The following KDM4C variants were observed in gnomAD, a reference collection of about 807,000 sequenced individuals.
KDM4C encodes the protein lysine demethylase 4C.
KDM4C carries 81 observed loss-of-function variants against 129.3 expected under a neutral mutation model. The observed-to-expected ratio is 0.63, with a 90% CI of 0.52 to 0.75. The LOEUF is 0.75. KDM4C is among the 30% of genes least tolerant of loss of function. The pLI is 0.00. For missense variants in KDM4C, 1,457 were observed against 1,304.0 expected, an observed-to-expected ratio of 1.12 and a Z score of -1.81; for synonymous variants, 573 against 456.1, an observed-to-expected ratio of 1.26 and a Z score of -3.26.
chr9:6,835,093 A>C, intron 4 of KDM4C: 1 of 999,656 alleles, frequency 1.0e-6, no homozygotes, highest in South Asian at 1.3e-5. Context: ...CATCAAGGAG[A>C]AGCTGTGCTA....
At chr9:6,980,879 A>T in intron 8 of KDM4C, 46 bp from the exon 9 acceptor site, 1 of 1,540,164 alleles carries the variant, frequency 6.5e-7, no homozygotes, top group Non-Finnish European at 9.0e-7. Flanking sequence ...GTGTTACTGT[A>T]TAGTTAGCGA....
chr9:6,723,120 G>A (rs1044574866), intron 1 of KDM4C, among the ~76,000 whole-genome samples: 7 of 151,944 alleles, frequency 4.6e-5, no homozygotes, highest in Admixed American at 1.3e-4. Flanking sequence ...TTGGCTGGGC[G>A]CCATACACTT....
intron 15 of KDM4C, among the ~76,000 whole-genome samples, chr9:7,035,722 G>A (rs1025528353): frequency 6.6e-6 from 1 of 151,980 alleles, no homozygotes; most frequent in African/African-American, 2.4e-5. Flanking sequence ...AATTTTTCCG[G>A]CACTGTTCAT....
chr9:7,126,830 C>G (rs989578663), intron 18 of KDM4C, among the ~76,000 whole-genome samples: 1 of 148,812 alleles, frequency 6.7e-6, no homozygotes, highest in African/African-American at 2.5e-5. Context: ...TCTTATCAGA[C>G]AAGATAGTAA....
chr9:6,721,745 C>G (rs190100360), intron 1 of KDM4C, among the ~76,000 whole-genome samples: 4 of 151,922 alleles, frequency 2.6e-5, no homozygotes, highest in African/African-American at 2.4e-5. Context: ...CCTGCCGCCA[C>G]GCCCGGCTAA....
chr9:7,085,464 T>C (rs1457399576), intron 17 of KDM4C, among the ~76,000 whole-genome samples: 2 of 152,172 alleles, frequency 1.3e-5, no homozygotes, highest in African/African-American at 4.8e-5. Flanking sequence ...AAAACAGGCT[T>C]TTTTCAGGTC....
At chr9:7,092,538 A>G (rs1835922520) in intron 17 of KDM4C, among the ~76,000 whole-genome samples, 1 of 152,204 alleles carries the variant, frequency 6.6e-6, no homozygotes, top group Non-Finnish European at 1.5e-5. Context: ...GAAAACTACC[A>G]CTTTGGCCTC....
At chr9:7,158,591 G>A (rs896881717) in intron 19 of KDM4C, among the ~76,000 whole-genome samples, 5 of 152,198 alleles carry the variant, frequency 3.3e-5, no homozygotes, top group East Asian at 1.9e-4. Flanking sequence ...CCTTCATTTC[G>A]TTGTTTACCC....
chr9:6,977,804 G>GT (rs1833183876), intron 8 of KDM4C, among the ~76,000 whole-genome samples: 1 of 152,038 alleles, frequency 6.6e-6, no homozygotes, highest in Admixed American at 6.6e-5. Context: ...GTCCTCTAGG[G>GT]TTTTTTCAAT....
At chr9:7,109,496 TG>T (rs1417424969) in intron 18 of KDM4C, among the ~76,000 whole-genome samples, 6 of 152,224 alleles carry the variant, frequency 3.9e-5, no homozygotes, top group African/African-American at 1.4e-4. Context: ...GATTTTTATT[TG>T]GAAGGCCAGA....
At chr9:7,157,505 CTTA>C (rs1411931487) in intron 19 of KDM4C, among the ~76,000 whole-genome samples, 2 of 152,084 alleles carry the variant, frequency 1.3e-5, no homozygotes, top group African/African-American at 4.8e-5. Context: ...ATAGATAGCT[CTTA>C]TTATTTTGAG....
chr9:7,150,630 C>T (rs1842643932), intron 19 of KDM4C, among the ~76,000 whole-genome samples: 1 of 152,170 alleles, frequency 6.6e-6, no homozygotes, highest in African/African-American at 2.4e-5. Context: ...GAATCTCTTA[C>T]CAGTGGGTTA....
At chr9:6,852,561 G>A (rs544072459) in intron 5 of KDM4C, among the ~76,000 whole-genome samples, 47 of 152,302 alleles carry the variant, frequency 3.1e-4, no homozygotes, top group Non-Finnish European at 3.7e-4. Context: ...GTGCACCAGC[G>A]TCCTCTTCTG....
At chr9:7,067,180 A>T (rs751197292) in intron 17 of KDM4C, among the ~76,000 whole-genome samples, 33 of 152,212 alleles carry the variant, frequency 2.2e-4, no homozygotes, top group Non-Finnish European at 3.8e-4. Flanking sequence ...AACTCCATTT[A>T]TCTTAGTGAT....
At chr9:7,010,754 A>T (rs577005791) in intron 12 of KDM4C, among the ~76,000 whole-genome samples, 1 of 152,316 alleles carries the variant, frequency 6.6e-6, no homozygotes, top group South Asian at 2.1e-4. Context: ...AAAGAAATAT[A>T]CATTTTAGAC....
intron 1 of KDM4C, among the ~76,000 whole-genome samples, chr9:6,740,267 A>G (rs996762289): frequency 1.1e-4 from 16 of 149,308 alleles, no homozygotes; most frequent in Admixed American, 7.4e-4. Context: ...GCAGTGATGC[A>G]ATCTCGTCTC....
chr9:7,026,864 C>A (rs1217446647), intron 15 of KDM4C, among the ~76,000 whole-genome samples: 1 of 151,940 alleles, frequency 6.6e-6, no homozygotes, highest in Admixed American at 6.6e-5. Flanking sequence ...TTGATCAGTT[C>A]TGTCCTTACA....
intron 21 of KDM4C, among the ~76,000 whole-genome samples, chr9:7,171,852 G>C (rs1354586806): frequency 6.6e-6 from 1 of 151,638 alleles, no homozygotes; most frequent in Non-Finnish European, 1.5e-5. Flanking sequence ...TAAAAAAAAA[G>C]TGAAAATATG....
intron 8 of KDM4C, among the ~76,000 whole-genome samples, chr9:6,900,342 A>C (rs980359838): frequency 6.6e-6 from 1 of 152,236 alleles, no homozygotes; most frequent in Non-Finnish European, 1.5e-5. Context: ...AGCGCCAGCC[A>C]CGTGTGTGAT....
Sources: allele counts gnomAD v4.1 joint callset (sites outside exome capture counted in the v4.1 genomes callset), GRCh38; gene constraint gnomAD v4.1.1; transcripts MANE v1.5; gene names NCBI Gene and HGNC (gene_info 2026-07-23, HGNC 2026-07-21).